The following FEM1A variants were observed in gnomAD, a reference collection of about 807,000 sequenced individuals.
FEM1A encodes the protein protein fem-1 homolog A.
Under a neutral mutation model 0.7 loss-of-function variants are expected in FEM1A, and 1 was observed. The ratio of observed to expected loss-of-function variants is 1.35; its 90% CI spans 0.48 to 6.40. The LOEUF (loss-of-function observed/expected upper bound fraction) is 6.40, where lower values mean the gene tolerates loss of function less well. FEM1A is among the 30% of genes most tolerant of loss of function. The pLI, the probability that FEM1A is intolerant of heterozygous loss-of-function variation, is 0.14. For synonymous variants in FEM1A, 391 were observed against 420.6 expected, an observed-to-expected ratio of 0.93 and a Z score of 0.86; for missense variants, 721 against 918.7, an observed-to-expected ratio of 0.78 and a Z score of 2.78.
In FEM1A at chr19:4,796,706, C is replaced by T. The variant is rs2093561498; in HGVS notation, c.*2842C>T. Reference sequence around the variant, plus strand: ...AGGATTGAGCTGTCGATATGAACGTCCGGTTAATCCCTGTGCGCCCGCCTC... The same window carrying T: ...AGGATTGAGCTGTCGATATGAACGTTCGGTTAATCCCTGTGCGCCCGCCTC... On this transcript the variant is annotated 3_prime_UTR_variant, in exon 1 of 1. Transcript: ENST00000269856. The T allele has an allele frequency of 6.6e-6, 1 of 152,310 alleles. No homozygotes were observed. The highest frequency in any genetic ancestry group is 2.1e-4 in the South Asian group (1 of 4,824). The allele number at this position is 152,310 out of a possible 1,614,324, so 9.4% of individuals were successfully genotyped here. A position where few individuals can be genotyped will look rare whatever the true frequency, so the allele number is the denominator to read the frequency against.
rs956765564 is a variant in FEM1A at position 4,792,587 on chromosome 19, G to C, written c.733G>C (p.Ala245Pro). The C allele has an allele frequency of 6.2e-7, 1 of 1,609,704 alleles. No homozygotes were observed. Among genetic ancestry groups the C allele is most frequent in the Admixed American group, 1.7e-5 (1 of 60,016 alleles). Residue 245 changes from alanine to proline, a missense_variant, in exon 1 of 1, where the codon GCA (alanine) becomes CCA (proline). By Grantham distance (27) the Ala-to-Pro change is conservative. Transcript: ENST00000269856. The surrounding 1 kb of genome is among the most constrained non-coding windows in gnomAD (Gnocchi z 6.7). Reference sequence around the variant, plus strand: ...GGAGCAGCCCGGCCAGGAGCAGGTCGCAGGGGGAGAGGCTCAGCCTGGGCT... The same window carrying C: ...GGAGCAGCCCGGCCAGGAGCAGGTCCCAGGGGGAGAGGCTCAGCCTGGGCT... Reference protein sequence around the residue: ...IQEQPGQEQVAGGEAQPGLPQ... With the variant: ...IQEQPGQEQVPGGEAQPGLPQ...
In FEM1A at chr19:4,793,017, A is replaced by C; in HGVS notation, c.1163A>C (p.Asp388Ala). The change falls in exon 1 of 1, where the codon GAC becomes GCC. Residue 388 changes from aspartate (D) to alanine (A), a missense_variant. Asp to Ala is a moderately radical substitution (Grantham distance 126, BLOSUM62 -2). Transcript: ENST00000269856. The surrounding 1 kb of genome is among the most constrained non-coding windows in gnomAD (Gnocchi z 5.1). ...CGCATCCTCGGTCCCTCGCACCCGG[A>C]CACTTCCTATTACATCCGTTACAGG... ...RERILGPSHPDTSYYIRYRGA... is the reference protein window; with the variant it reads ...RERILGPSHPATSYYIRYRGA... The C allele has an allele frequency of 6.2e-7, 1 of 1,613,176 alleles. No homozygotes were observed. Among genetic ancestry groups the C allele is most frequent in the Non-Finnish European group, 8.5e-7 (1 of 1,179,972 alleles).
rs2093559660 is a variant in FEM1A at position 4,795,148 on chromosome 19, G to A, written c.*1284G>A. On this transcript the variant is annotated 3_prime_UTR_variant, in exon 1 of 1. Coordinates refer to ENST00000269856, the MANE Select transcript of FEM1A (RefSeq NM_018708.3). ...TTCCCGTGACTCAGGGTAAGGTGCT[G>A]GGGCTGCCAGAGGACCTGCCCCAGC... 1 of 166,902 alleles carries A rather than the reference G, an allele frequency of 6.0e-6. No homozygotes were observed. Among genetic ancestry groups the A allele is most frequent in the African/African-American group, 2.4e-5 (1 of 41,306 alleles). 10.3% of individuals were successfully genotyped at this position (166,902 alleles called of 1,614,324 possible).
Position 4,793,644 on chromosome 19 carries a change from T to A in FEM1A, c.1790T>A (p.Met597Lys). The A allele has an allele frequency of 6.2e-7, 1 of 1,612,912 alleles. No individual in the cohort carries two copies. The highest frequency in any genetic ancestry group is 8.5e-7 in the Non-Finnish European group (1 of 1,179,836). ...GCCCAGAACAACTGCCCGGCCATCA[T>A]GAATGCCCTGATCGAAGCAGGGGCC... Reference protein sequence around the residue: ...IAAQNNCPAIMNALIEAGAHM... With the variant: ...IAAQNNCPAIKNALIEAGAHM... Residue 597 changes from methionine (M) to lysine (K), a missense_variant, in exon 1 of 1, where the codon ATG becomes AAG. By Grantham distance (95) the Met-to-Lys change is moderately conservative (BLOSUM62 -1). This residue lies in a region of FEM1A where 379 missense variants were observed against 454.8 expected (regional missense o/e 0.83). Coordinates refer to ENST00000269856, the MANE Select transcript of FEM1A (RefSeq NM_018708.3). This position sits in a 1 kb window ranked among gnomAD's most constrained non-coding sequence, Gnocchi z 5.1.
At position 4,793,761 on chromosome 19, in the gene FEM1A, A is replaced by G; in HGVS notation, c.1907A>G (p.Tyr636Cys). The G allele has an allele frequency of 6.2e-7, 1 of 1,611,952 alleles. No individual in the cohort carries two copies. The highest frequency in any genetic ancestry group is 8.5e-7 in the Non-Finnish European group (1 of 1,179,708). The change falls in exon 1 of 1, where the codon TAC becomes TGC. Residue 636 changes from tyrosine to cysteine, a missense_variant. Around this residue, in one of 4 missense-constraint regions of FEM1A, gnomAD observed 379 missense variants for 454.8 expected, o/e 0.83. Coordinates refer to ENST00000269856, the MANE Select transcript of FEM1A (RefSeq NM_018708.3). The surrounding 1 kb of genome is among the most constrained non-coding windows in gnomAD (Gnocchi z 5.1). ...LARGTMQPFN[Y>C]VTLQCLAARA... ...AGGGGTACCATGCAGCCCTTCAACT[A>G]CGTGACCCTGCAGTGCCTTGCGGCC...
Position 4,801,177 on chromosome 19 carries a change from G to T in FEM1A, c.*7313G>T, listed in dbSNP as rs2093568036. On this transcript the variant is annotated 3_prime_UTR_variant, in exon 1 of 1. Coordinates refer to ENST00000269856, the MANE Select transcript of FEM1A (RefSeq NM_018708.3). ...GCTTGTGTTTGAATGTCTGTTAATAGACATGATTTAATTATTGATATTAAT... is the reference window on the plus strand; with the variant it reads ...GCTTGTGTTTGAATGTCTGTTAATATACATGATTTAATTATTGATATTAAT... 6.6e-6 allele frequency: 1 copy of T among 152,176 alleles called. No individual in the cohort carries two copies. The highest frequency in any genetic ancestry group is 2.4e-5 in the African/African-American group (1 of 41,432). The allele number at this position is 152,176 out of a possible 1,614,324, so 9.4% of individuals were successfully genotyped here.
chr19:4,792,562 G>A lies in FEM1A; in HGVS notation c.708G>A (p.Gln236=). The change falls in exon 1 of 1, where the codon CAG becomes CAA. Residue 236 remains glutamine, a synonymous_variant. Transcript: ENST00000269856. The surrounding 1 kb of genome is among the most constrained non-coding windows in gnomAD (Gnocchi z 6.7). ...CCAACATCGTGGAGTACCTCATCCA[G>A]GAGCAGCCCGGCCAGGAGCAGGTCG... ...GHTNIVEYLI[Q]EQPGQEQVAG... 6.2e-7 allele frequency: 1 copy of A among 1,606,194 alleles called. No individual in the cohort carries two copies.
Position 4,798,013 on chromosome 19 carries a change from T to C in FEM1A, c.*4149T>C, listed in dbSNP as rs1171085124. On this transcript the variant is annotated 3_prime_UTR_variant, in exon 1 of 1. Coordinates refer to ENST00000269856, the MANE Select transcript of FEM1A (RefSeq NM_018708.3). ...ACTTTGGGAGGCCAAGGCGGGCGGA[T>C]CACGAGGTCAGGAGATCGAGACCAT... 2 of 149,998 alleles carry C rather than the reference T, an allele frequency of 1.3e-5. No individual in the cohort carries two copies. Among genetic ancestry groups the C allele is most frequent in the African/African-American group, 4.9e-5 (2 of 40,616 alleles). The allele number at this position is 149,998 out of a possible 1,614,324, so 9.3% of individuals were successfully genotyped here.
chr19:4,794,418 G>A lies in FEM1A; in HGVS notation c.*554G>A, dbSNP rs2093558757. On this transcript the variant is annotated 3_prime_UTR_variant, in exon 1 of 1. Coordinates refer to ENST00000269856, the MANE Select transcript of FEM1A (RefSeq NM_018708.3). ...TGCCACCGTAGTCCCTGGCAGACAG[G>A]CAGGGCTCTGCCCAGGGCAGCCTGC... The A allele has an allele frequency of 5.9e-6, 1 of 169,454 alleles. No homozygotes were observed. The highest frequency in any genetic ancestry group is 2.4e-5 in the African/African-American group (1 of 41,456). 10.5% of individuals were successfully genotyped at this position (169,454 alleles called of 1,614,324 possible). A position where few individuals can be genotyped will look rare whatever the true frequency, so the allele number is the denominator to read the frequency against.
In FEM1A at chr19:4,798,164, C is replaced by A. The variant is rs1293819228; in HGVS notation, c.*4300C>A. 1 of 150,468 alleles carries A rather than the reference C, an allele frequency of 6.6e-6. No homozygotes were observed. The highest frequency in any genetic ancestry group is 1.5e-5 in the Non-Finnish European group (1 of 67,664). The allele number at this position is 150,468 out of a possible 1,614,324, so 9.3% of individuals were successfully genotyped here. ...AGGAGAATGGCGTGAACCCGGGAGG[C>A]GGAGCTTGCAGTGAGCCGAGATCGC... is the stretch of plus-strand genomic sequence containing the variant. On this transcript the variant is annotated 3_prime_UTR_variant, in exon 1 of 1. Transcript: ENST00000269856.
rs1277741534 is a variant in FEM1A at position 4,795,798 on chromosome 19, C to T, written c.*1934C>T. On this transcript the variant is annotated 3_prime_UTR_variant, in exon 1 of 1. Transcript: ENST00000269856. ...CACTGCAACCTCTGCCTCCTGGGTTCAAACAATTCTGCTTCAGCCTCCTGA... is the reference window on the plus strand; with the variant it reads ...CACTGCAACCTCTGCCTCCTGGGTTTAAACAATTCTGCTTCAGCCTCCTGA... The T allele has an allele frequency of 6.6e-6, 1 of 150,782 alleles. No individual in the cohort carries two copies. The allele number at this position is 150,782 out of a possible 1,614,324, so 9.3% of individuals were successfully genotyped here. A position where few individuals can be genotyped will look rare whatever the true frequency, so the allele number is the denominator to read the frequency against.
chr19:4,793,899 T>A lies in FEM1A; in HGVS notation c.*35T>A. On this transcript the variant is annotated 3_prime_UTR_variant, in exon 1 of 1. Transcript: ENST00000269856. This position sits in a 1 kb window ranked among gnomAD's most constrained non-coding sequence, Gnocchi z 5.1. ...AACGCCTGCACCCTCACCTCTCCCC[T>A]CTCCTGCTGAGATGGGGGAAATCCG... 1 of 1,555,700 alleles carries A rather than the reference T, an allele frequency of 6.4e-7. No homozygotes were observed. The highest frequency in any genetic ancestry group is 1.2e-5 in the South Asian group (1 of 84,726).
At position 4,793,315 on chromosome 19, in the gene FEM1A, C is replaced by T; in HGVS notation, c.1461C>T (p.Asp487=). 6.2e-7 allele frequency: 1 copy of T among 1,612,874 alleles called. No homozygotes were observed. The highest frequency in any genetic ancestry group is 1.7e-5 in the Admixed American group (1 of 60,014). The change falls in exon 1 of 1, where the codon GAC becomes GAT. Residue 487 remains aspartate, a synonymous_variant. Coordinates refer to ENST00000269856, the MANE Select transcript of FEM1A (RefSeq NM_018708.3). This position sits in a 1 kb window ranked among gnomAD's most constrained non-coding sequence, Gnocchi z 5.1. ...RALQLPREPG[D]SAQFTKALAI... ...TGCAGCTGCCCAGGGAGCCCGGAGA[C>T]TCAGCCCAGTTCACCAAGGCGCTGG... is the stretch of plus-strand genomic sequence containing the variant.
In FEM1A at chr19:4,793,021, T is replaced by G. The variant is rs769466196; in HGVS notation, c.1167T>G (p.Thr389=). ...ERILGPSHPD[T]SYYIRYRGAV... ...TCCTCGGTCCCTCGCACCCGGACAC[T>G]TCCTATTACATCCGTTACAGGGGTG... Residue 389 remains threonine (T), a synonymous_variant, in exon 1 of 1, where the codon ACT becomes ACG. Transcript: ENST00000269856. The surrounding 1 kb of genome is among the most constrained non-coding windows in gnomAD (Gnocchi z 5.1). 15 of 1,613,316 alleles carry G rather than the reference T, an allele frequency of 9.3e-6. No individual in the cohort carries two copies. The Admixed American group carries it at 1.2e-4, about 13-fold the overall frequency.
rs11670494 is a variant in FEM1A, at chr19:4,799,703, A to G, written c.*5839A>G. ...GGGCGGATCACGAGGTCAGGAGATC[A>G]AGACCATCCTGGCTAACACGGTGAA... is the stretch of plus-strand genomic sequence containing the variant. On this transcript the variant is annotated 3_prime_UTR_variant, in exon 1 of 1. Coordinates refer to ENST00000269856, the MANE Select transcript of FEM1A (RefSeq NM_018708.3). 0.073 allele frequency: 11,069 copies of G among 151,714 alleles called. 499 individuals are homozygous for G. The highest frequency in any genetic ancestry group is 0.22 in the South Asian group (1,040 of 4,800). The allele number at this position is 151,714 out of a possible 1,614,324, so 9.4% of individuals were successfully genotyped here.
chr19:4,791,898 A>G lies in FEM1A; in HGVS notation c.44A>G (p.Lys15Arg). The G allele has an allele frequency of 6.6e-7, 1 of 1,522,960 alleles. No individual in the cohort carries two copies. Among genetic ancestry groups the G allele is most frequent in the South Asian group, 1.2e-5 (1 of 82,848 alleles). The allele number at this position is 1,522,960 out of a possible 1,614,324, so 94.3% of individuals were successfully genotyped here. The change falls in exon 1 of 1, where the codon AAG becomes AGG. Residue 15 changes from lysine (K) to arginine (R), a missense_variant. Physicochemically the swap from Lys to Arg is conservative, Grantham distance 26. This residue lies in a region of FEM1A where 195 missense variants were observed against 316.9 expected (regional missense o/e 0.62). Coordinates refer to ENST00000269856, the MANE Select transcript of FEM1A (RefSeq NM_018708.3). Reference sequence around the variant, plus strand: ...GTGTACAACGCCGCCCGTGATGGCAAGCTGCAGCTGCTCCAGAAGCTGCTC... The same window carrying G: ...GTGTACAACGCCGCCCGTGATGGCAGGCTGCAGCTGCTCCAGAAGCTGCTC... ...TAVYNAARDG[K>R]LQLLQKLLSG...
In FEM1A at chr19:4,800,369, G is replaced by T. The variant is rs1011349987; in HGVS notation, c.*6505G>T. The stretch of plus-strand genomic sequence containing the variant: ...AAGGTGTCGAGAGCCAGGCAGCCAA[G>T]CCTGACCTGGGAGATGGGGAAGTGG... On this transcript the variant is annotated 3_prime_UTR_variant, in exon 1 of 1. Transcript: ENST00000269856. The T allele has an allele frequency of 2.6e-5, 4 of 152,424 alleles. No individual in the cohort carries two copies. The highest frequency in any genetic ancestry group is 9.6e-5 in the African/African-American group (4 of 41,458). The allele number at this position is 152,424 out of a possible 1,614,324, so 9.4% of individuals were successfully genotyped here. A position where few individuals can be genotyped will look rare whatever the true frequency, so the allele number is the denominator to read the frequency against.
rs753923323 is a variant in FEM1A at position 4,792,627 on chromosome 19, C to T, written c.773C>T (p.Pro258Leu). 1.2e-6 allele frequency: 2 copies of T among 1,611,856 alleles called. No homozygotes were observed. Among genetic ancestry groups the T allele is most frequent in the South Asian group, 1.1e-5 (1 of 90,998 alleles). Residue 258 changes from proline to leucine, a missense_variant, in exon 1 of 1, where the codon CCC becomes CTC. Physicochemically the swap from Pro to Leu is moderately conservative, Grantham distance 98. This residue lies in a region of FEM1A where 137 missense variants were observed against 121.7 expected (regional missense o/e 1.13). Transcript: ENST00000269856. The surrounding 1 kb of genome is among the most constrained non-coding windows in gnomAD (Gnocchi z 6.7). Reference sequence around the variant, plus strand: ...CAGCCTGGGCTGCCCCAAGAAGACCCCTCCACCAGCCAGGGGTGTGCGCAG... The same window carrying T: ...CAGCCTGGGCTGCCCCAAGAAGACCTCTCCACCAGCCAGGGGTGTGCGCAG... ...EAQPGLPQED[P>L]STSQGCAQPQ...
Position 4,794,643 on chromosome 19 carries a change from T to C in FEM1A, c.*779T>C, listed in dbSNP as rs2093559033. 1 of 166,684 alleles carries C rather than the reference T, an allele frequency of 6.0e-6. No homozygotes were observed. The highest frequency in any genetic ancestry group is 1.5e-5 in the Non-Finnish European group (1 of 68,082). The allele number at this position is 166,684 out of a possible 1,614,324, so 10.3% of individuals were successfully genotyped here. A position where few individuals can be genotyped will look rare whatever the true frequency, so the allele number is the denominator to read the frequency against. On this transcript the variant is annotated 3_prime_UTR_variant, in exon 1 of 1. Coordinates refer to ENST00000269856, the MANE Select transcript of FEM1A (RefSeq NM_018708.3). ...GGCCGAGGGCACAGGGAGTGAGCTG[T>C]ATGTGTGAGGAATTTGGTGAGCGAG... is the stretch of plus-strand genomic sequence containing the variant.
Sources: allele counts gnomAD v4.1 joint callset, GRCh38; gene constraint gnomAD v4.1.1; regional missense constraint gnomAD v4.1.1; non-coding constraint Gnocchi (gnomAD v3.1); transcripts MANE v1.5; gene names NCBI Gene and HGNC (gene_info 2026-07-23, HGNC 2026-07-21).